Variants in GDI2 observed in about 807,000 individuals in gnomAD.
GDI2 encodes the protein GDP dissociation inhibitor 2.
Under a neutral mutation model 54.2 loss-of-function variants are expected in GDI2, and 22 were observed. The observed-to-expected ratio is 0.41, with a 90% confidence interval of 0.29 to 0.58. GDI2 has a LOEUF of 0.58. Among genes scored for constraint, GDI2 ranks in the 20% least tolerant of loss-of-function variants. The probability of loss-of-function intolerance (pLI) is 0.35; values close to 1 mark genes in which losing one functional copy is unlikely to be tolerated. For missense variants in GDI2, 422 were observed against 546.0 expected, an observed-to-expected ratio of 0.77 and a Z score of 2.26; for synonymous variants, 177 against 182.1, an observed-to-expected ratio of 0.97 and a Z score of 0.23.
At chr10:5,797,782 G>A (rs1347060674) in intron 2 of GDI2, among the ~76,000 whole-genome samples, 1 of 152,032 alleles carries the variant, frequency 6.6e-6, no homozygotes, top group East Asian at 1.9e-4. Context: ...CAATGACACT[G>A]TATAGTTCTC....
intron 1 of GDI2, among the ~76,000 whole-genome samples, chr10:5,809,916 G>A (rs972451147): frequency 1.2e-4 from 19 of 152,128 alleles, no homozygotes; most frequent in African/African-American, 4.1e-4. Flanking sequence ...GATGCTTAAC[G>A]CTGGTTTAAA....
chr10:5,770,046 A>G (rs1840449944), intron 7 of GDI2, among the ~76,000 whole-genome samples: 2 of 152,260 alleles, frequency 1.3e-5, no homozygotes, highest in African/African-American at 4.8e-5. Context: ...AATATTATTC[A>G]GCCTTAAAAA....
chr10:5,804,321 T>C (rs1221672076), intron 1 of GDI2, among the ~76,000 whole-genome samples: 1 of 152,278 alleles, frequency 6.6e-6, no homozygotes, highest in Middle Eastern at 3.4e-3. Flanking sequence ...CTTGAACTCC[T>C]GGCCTCAAGT....
At chr10:5,792,964 A>G (rs995890195) in intron 4 of GDI2, among the ~76,000 whole-genome samples, 2 of 151,178 alleles carry the variant, frequency 1.3e-5, no homozygotes, top group African/African-American at 4.8e-5. Context: ...TTGTCCAAAA[A>G]AAAAAAAAAA....
Position 5,800,639 on chromosome 10 carries a change from A to G in GDI2, c.112T>C (p.Tyr38His). Residue 38 changes from tyrosine to histidine, a missense_variant, in exon 2 of 11, where the codon TAC becomes CAC. Coordinates refer to ENST00000380191, the MANE Select transcript of GDI2 (RefSeq NM_001494.4). ...ATAGATGCACTCTCTCCTCCGTAGT[A>G]AGGGTTTCGATCCATATGAAGAACT... ...KKVLHMDRNP[Y>H]YGGESASITP... 1 of 1,596,774 alleles carries G rather than the reference A, an allele frequency of 6.3e-7. No individual in the cohort carries two copies. The highest frequency in any genetic ancestry group is 1.7e-5 in the Admixed American group (1 of 60,008).
At chr10:5,778,515 A>T (rs1203309320) in intron 6 of GDI2, among the ~76,000 whole-genome samples, 5 of 152,254 alleles carry the variant, frequency 3.3e-5, no homozygotes, top group African/African-American at 9.6e-5. Context: ...ACTACTAATG[A>T]TCACCTCAAG....
chr10:5,795,660 T>G (rs1841130137), intron 3 of GDI2, among the ~76,000 whole-genome samples: 1 of 152,178 alleles, frequency 6.6e-6, no homozygotes, highest in Non-Finnish European at 1.5e-5. Flanking sequence ...CAGGCACAGG[T>G]GGCTCACACC....
chr10:5,811,314 T>C (rs1404168446), intron 1 of GDI2, among the ~76,000 whole-genome samples: 2 of 152,186 alleles, frequency 1.3e-5, no homozygotes, highest in African/African-American at 2.4e-5. Context: ...AGGTCTGATT[T>C]CTAGTTAAGT....
At position 5,773,792 on chromosome 10, in the gene GDI2, A is replaced by G. The variant is rs1840552052; in HGVS notation, c.819+50T>C. 5 of 815,308 alleles carry G rather than the reference A, an allele frequency of 6.1e-6. No individual in the cohort carries two copies. In the East Asian group the frequency reaches 1.2e-4, roughly 20 times the overall value. The allele number at this position is 815,308 out of a possible 1,614,324, so 50.5% of individuals were successfully genotyped here. On this transcript the variant is annotated intron_variant, in intron 7 of 10. Coordinates refer to ENST00000380191, the MANE Select transcript of GDI2 (RefSeq NM_001494.4). ...CCAAAATCAATATTTAGAATACACAACTTTCTTCACAAGAACATAGTAATT... is the reference window on the plus strand; with the variant it reads ...CCAAAATCAATATTTAGAATACACAGCTTTCTTCACAAGAACATAGTAATT...
In GDI2 at chr10:5,768,545, T is replaced by C. The variant is rs1021092613; in HGVS notation, c.820-161A>G. 3.4e-6 allele frequency: 2 copies of C among 596,700 alleles called. No homozygotes were observed. The highest frequency in any genetic ancestry group is 1.9e-5 in the African/African-American group (1 of 53,778). 37.0% of individuals were successfully genotyped at this position (596,700 alleles called of 1,614,324 possible). ...TTGAATTCTGGAACAACCAAAACAA[T>C]CTTAAAAGAAGAACAGCAAAGCTGG... On this transcript the variant is annotated intron_variant, in intron 7 of 10. Coordinates refer to ENST00000380191, the MANE Select transcript of GDI2 (RefSeq NM_001494.4). This position sits in a 1 kb window ranked among gnomAD's most constrained non-coding sequence, Gnocchi z 4.4.
At chr10:5,804,833 T>G (rs1029863436) in intron 1 of GDI2, among the ~76,000 whole-genome samples, 1 of 104,956 alleles carries the variant, frequency 9.5e-6, no homozygotes, top group African/African-American at 3.1e-5. Flanking sequence ...TATCTGGAGC[T>G]TTTTTTTTTT....
chr10:5,769,758 G>T (rs963441210), intron 7 of GDI2, among the ~76,000 whole-genome samples: 18 of 152,182 alleles, frequency 1.2e-4, no homozygotes, highest in Non-Finnish European at 2.6e-4. Flanking sequence ...TGGAGAAACT[G>T]GAACTTCTTG....
In GDI2 at chr10:5,786,087, A is replaced by C. The variant is rs533319618; in HGVS notation, c.389-37T>G. ...AGAATTTTTCAAAAAGCACACTCAC[A>C]ATCAGACATTGAGGAGAACGAAGTA... is the stretch of plus-strand genomic sequence containing the variant. On this transcript the variant is annotated intron_variant, in intron 4 of 10. Transcript: ENST00000380191. The C allele has an allele frequency of 3.6e-6, 5 of 1,377,994 alleles. No individual in the cohort carries two copies. In the East Asian group the frequency reaches 1.1e-4, roughly 31 times the overall value. 85.4% of individuals were successfully genotyped at this position (1,377,994 alleles called of 1,614,324 possible).
rs148187580 is a variant in GDI2 at position 5,766,135 on chromosome 10, T to C, written c.1209A>G (p.Thr403=). Residue 403 remains threonine, a synonymous_variant, in exon 11 of 11, where the codon ACA becomes ACG. Coordinates refer to ENST00000380191, the MANE Select transcript of GDI2 (RefSeq NM_001494.4). The surrounding 1 kb of genome is among the most constrained non-coding windows in gnomAD (Gnocchi z 5.8). ...TCTCAAAATGAGTGGTGGCATCATA[T>C]GTGCGGGAAATAAAGATCTGAAAAC... ...GTESQIFISR[T]YDATTHFETT... is the part of the protein sequence containing the mutation. The C allele has an allele frequency of 6.9e-5, 112 of 1,613,776 alleles. No homozygotes were observed. In the African/African-American group the frequency reaches 1.3e-3, roughly 18 times the overall value.
rs538523840 is a variant in GDI2 at position 5,791,618 on chromosome 10, A to G, written c.388+3267T>C. Among the ~76,000 whole-genome samples, 6 of 152,148 alleles carry G rather than the reference A, an allele frequency of 3.9e-5. No homozygotes were observed. In the South Asian group the frequency reaches 1.2e-3, roughly 32 times the overall value. On this transcript the variant is annotated intron_variant, in intron 4 of 10. Transcript: ENST00000380191. ...CAAAATTAGCCAGGCGTGGTGGTGC[A>G]TGCCTGTAATCCCAACTACTCGGGA...
chr10:5,779,785 T>G (rs1231856073), intron 6 of GDI2, among the ~76,000 whole-genome samples: 1 of 151,008 alleles, frequency 6.6e-6, no homozygotes, highest in Non-Finnish European at 1.5e-5. Context: ...TCTCAACCTC[T>G]CAGGCTCAAG....
intron 7 of GDI2, among the ~76,000 whole-genome samples, chr10:5,770,084 G>T (rs1840450741): frequency 6.6e-6 from 1 of 152,168 alleles, no homozygotes; most frequent in African/African-American, 2.4e-5. Context: ...CTACAACACA[G>T]ATGAACCATG....
rs770979438 is a variant in GDI2 at position 5,785,242 on chromosome 10, T to C, written c.619A>G (p.Asn207Asp). Residue 207 changes from asparagine to aspartate, a missense_variant, in exon 6 of 11, where the codon AAT becomes GAT. Asn to Asp is a conservative substitution (Grantham distance 23). Coordinates refer to ENST00000380191, the MANE Select transcript of GDI2 (RefSeq NM_001494.4). ...GATTCACTGTAAAGTTTAATTCTAT[T>C]AATGGTTTCATAACACGGTTGATCT... Reference protein sequence around the residue: ...YLDQPCYETINRIKLYSESLA... With the variant: ...YLDQPCYETIDRIKLYSESLA... 6.2e-7 allele frequency: 1 copy of C among 1,602,080 alleles called. No homozygotes were observed. The highest frequency in any genetic ancestry group is 8.6e-7 in the Non-Finnish European group (1 of 1,169,550).
Position 5,766,363 on chromosome 10 carries a change from A to G in GDI2, c.1137-68T>C, listed in dbSNP as rs116528702. On this transcript the variant is annotated intron_variant, in intron 9 of 10. Coordinates refer to ENST00000380191, the MANE Select transcript of GDI2 (RefSeq NM_001494.4). The surrounding 1 kb of genome is among the most constrained non-coding windows in gnomAD (Gnocchi z 5.8). ...CTGACCATGGCTCTGCCTGAGGTCAACTGAGAGGTACAGATGAATCCCACA... is the reference window on the plus strand; with the variant it reads ...CTGACCATGGCTCTGCCTGAGGTCAGCTGAGAGGTACAGATGAATCCCACA... 1.5e-5 allele frequency: 22 copies of G among 1,477,566 alleles called. No individual in the cohort carries two copies. In the South Asian group the frequency reaches 1.7e-4, roughly 11 times the overall value. 91.5% of individuals were successfully genotyped at this position (1,477,566 alleles called of 1,614,324 possible).
Sources: allele counts gnomAD v4.1 joint callset (sites outside exome capture counted in the v4.1 genomes callset), GRCh38; gene constraint gnomAD v4.1.1; non-coding constraint Gnocchi (gnomAD v3.1); transcripts MANE v1.5; gene names NCBI Gene and HGNC (gene_info 2026-07-23, HGNC 2026-07-21).